The following CLTC variants were observed in gnomAD, a reference collection of about 807,000 sequenced individuals.
CLTC encodes the protein clathrin heavy chain, also known as clathrin heavy chain 1.
A neutral mutation model predicts 195.8 loss-of-function variants in CLTC; 16 were observed. The observed-to-expected ratio is 0.08, with a 90% CI of 0.06 to 0.12. The LOEUF (loss-of-function observed/expected upper bound fraction) is 0.12. Ranked by LOEUF, CLTC falls within the 10% of genes least tolerant of loss-of-function variation. CLTC has a pLI of 1.00. For missense variants in CLTC, 796 were observed against 2,027.0 expected (o/e 0.39, Z 11.66); for synonymous variants, 667 against 689.4 (o/e 0.97, Z 0.51).
At chr17:59,622,867 C>T (rs1417020031) in intron 1 of CLTC, among the ~76,000 whole-genome samples, 2 of 152,106 alleles carry the variant, frequency 1.3e-5, no homozygotes, top group Non-Finnish European at 2.9e-5. Context: ...CTACATTGTC[C>T]AACTGAAGGA....
At chr17:59,674,670 A>G (rs539027971) in intron 15 of CLTC, 31 bp from the exon 16 acceptor site, 9 of 1,585,756 alleles carry the variant, frequency 5.7e-6, no homozygotes, top group Middle Eastern at 1.7e-4. Context: ...TAATAACATA[A>G]TAACATTCTT....
intron 5 of CLTC, among the ~76,000 whole-genome samples, chr17:59,651,698 A>G (rs1427826120): frequency 6.6e-6 from 1 of 152,234 alleles, no homozygotes; most frequent in African/African-American, 2.4e-5. Context: ...AAAAATGTTA[A>G]TGATTATTTG....
chr17:59,657,259 G>C (rs2032493476), intron 6 of CLTC, among the ~76,000 whole-genome samples: 1 of 152,054 alleles, frequency 6.6e-6, no homozygotes. Context: ...AGGTGCTTTT[G>C]CTCTGTACTC....
Position 59,696,745 on chromosome 17 carries a change from C to CATAA in CLTC, c.*2896_*2899dup, listed in dbSNP as rs1236644213. The CATAA allele has an allele frequency of 4.8e-6, 1 of 206,548 alleles. No homozygotes were observed. The highest frequency in any genetic ancestry group is 9.9e-6 in the Non-Finnish European group (1 of 101,150). 12.8% of individuals were successfully genotyped at this position (206,548 alleles called of 1,614,324 possible). ...CAAACTACGTTCACTTTACAGTTAC[C>CATAA]ATAAATTCTTACTTGGGCCCACCCA... On this transcript the variant is annotated 3_prime_UTR_variant, in exon 32 of 32. Transcript: ENST00000269122.
At chr17:59,624,454 C>CTTT (rs5821272) in intron 1 of CLTC, among the ~76,000 whole-genome samples, 5,733 of 97,378 alleles carry the variant, frequency 0.059, 443 homozygotes, top group South Asian at 0.22. Context: ...GAGCCACATA[C>CTTT]TTTTTTTTTT....
chr17:59,666,398 A>G lies in CLTC; in HGVS notation c.1783-82A>G, dbSNP rs2032733528. On this transcript the variant is annotated intron_variant, in intron 11 of 31. Coordinates refer to ENST00000269122, the MANE Select transcript of CLTC (RefSeq NM_004859.4). This position sits in a 1 kb window ranked among gnomAD's most constrained non-coding sequence, Gnocchi z 4.9. The stretch of plus-strand genomic sequence containing the variant: ...TTTTGTACTTTAACAGTTCACTATT[A>G]AACCTTAATCTGTAATACGGATATT... The G allele has an allele frequency of 1.3e-6, 2 of 1,534,416 alleles. No homozygotes were observed. Among genetic ancestry groups the G allele is most frequent in the Admixed American group, 3.8e-5 (2 of 52,804 alleles).
At chr17:59,634,069 T>G (rs143640442) in intron 1 of CLTC, among the ~76,000 whole-genome samples, 1 of 152,206 alleles carries the variant, frequency 6.6e-6, no homozygotes, top group African/African-American at 2.4e-5. Context: ...CCACCACGCC[T>G]GGACAGTTTT....
At chr17:59,620,310 G>A in intron 1 of CLTC, 137 bp downstream of exon 1, 3 of 809,652 alleles carry the variant, frequency 3.7e-6, no homozygotes, top group East Asian at 2.5e-5. Context: ...TGGAGGAGGG[G>A]GCACTATCTT....
Position 59,666,021 on chromosome 17 carries a change from TAAAG to T in CLTC, c.1645-76_1645-73del, listed in dbSNP as rs2032722553. The T allele has an allele frequency of 2.8e-6, 3 of 1,054,310 alleles. No individual in the cohort carries two copies. The highest frequency in any genetic ancestry group is 2.4e-5 in the East Asian group (1 of 41,452). The allele number at this position is 1,054,310 out of a possible 1,614,324, so 65.3% of individuals were successfully genotyped here. A position where few individuals can be genotyped will look rare whatever the true frequency, so the allele number is the denominator to read the frequency against. On this transcript the variant is annotated intron_variant, in intron 10 of 31. Transcript: ENST00000269122. This position sits in a 1 kb window ranked among gnomAD's most constrained non-coding sequence, Gnocchi z 4.9. ...ATATTGTCCAAATAAAATTCTCAGG[TAAAG>T]AAAGAGTTCATGCATAATTTTGTCT...
chr17:59,636,796 C>G (rs1159787810), intron 1 of CLTC, among the ~76,000 whole-genome samples: 2 of 150,278 alleles, frequency 1.3e-5, no homozygotes, highest in East Asian at 2.0e-4. Flanking sequence ...GAGTTTCACT[C>G]TTGTTGCCCA....
chr17:59,673,217 G>A (rs1278453576), intron 14 of CLTC, among the ~76,000 whole-genome samples: 1 of 151,982 alleles, frequency 6.6e-6, no homozygotes, highest in Non-Finnish European at 1.5e-5. Context: ...TTGGATGTGG[G>A]GAGGGATAGA....
At chr17:59,643,481 T>A (rs1278070803) in intron 1 of CLTC, among the ~76,000 whole-genome samples, 3 of 152,194 alleles carry the variant, frequency 2.0e-5, no homozygotes, top group Non-Finnish European at 4.4e-5. Context: ...TTATTTTCCT[T>A]GTTAAAATCC....
At chr17:59,623,370 A>C (rs1406883124) in intron 1 of CLTC, among the ~76,000 whole-genome samples, 1 of 152,212 alleles carries the variant, frequency 6.6e-6, no homozygotes, top group Non-Finnish European at 1.5e-5. Flanking sequence ...AATAGCTTCT[A>C]AGTTTAAAAT....
Position 59,641,556 on chromosome 17 carries a change from G to A in CLTC, c.43-2720G>A, listed in dbSNP as rs925355083. ...GCAGAGGTTGTAGTGAGCTGAGATC[G>A]AGCCACTGTACTCCAGCCTGGCTGG... On this transcript the variant is annotated intron_variant, in intron 1 of 31. Coordinates refer to ENST00000269122, the MANE Select transcript of CLTC (RefSeq NM_004859.4). Among the ~76,000 whole-genome samples the A allele has an allele frequency of 1.5e-4, 19 of 128,876 alleles. No individual in the cohort carries two copies. In the Admixed American group the frequency reaches 1.7e-3, roughly 12 times the overall value. 84.5% of individuals were successfully genotyped at this position (128,876 alleles called of 152,430 possible).
At chr17:59,628,893 C>G (rs1051660574) in intron 1 of CLTC, among the ~76,000 whole-genome samples, 1 of 152,124 alleles carries the variant, frequency 6.6e-6, no homozygotes, top group Non-Finnish European at 1.5e-5. Flanking sequence ...AACTCCTGAC[C>G]TCAAATAATC....
intron 30 of CLTC, chr17:59,690,412 G>A: frequency 4.8e-6 from 2 of 416,760 alleles, no homozygotes; most frequent in African/African-American, 2.1e-5. Flanking sequence ...AGCTTTTATG[G>A]CATTTTGAAT....
rs1555599591 is a variant in CLTC, at chr17:59,619,954, G to C, written c.-178G>C. 1 of 600,660 alleles carries C rather than the reference G, an allele frequency of 1.7e-6. No individual in the cohort carries two copies. The highest frequency in any genetic ancestry group is 3.0e-6 in the Non-Finnish European group (1 of 337,554). 37.2% of individuals were successfully genotyped at this position (600,660 alleles called of 1,614,324 possible). A position where few individuals can be genotyped will look rare whatever the true frequency, so the allele number is the denominator to read the frequency against. On this transcript the variant is annotated 5_prime_UTR_variant, in exon 1 of 32. Coordinates refer to ENST00000269122, the MANE Select transcript of CLTC (RefSeq NM_004859.4). ...GCCATTGCGGCTCTCCTGGCCCCTG[G>C]AGCCTCCGCCCCCGACCCGAGCTCT...
At chr17:59,664,642 A>G (rs912379605) in intron 9 of CLTC, 145 bp from the exon 10 acceptor site, 1 of 666,332 alleles carries the variant, frequency 1.5e-6, no homozygotes, top group South Asian at 3.2e-5. Context: ...GTCATCACCA[A>G]GGTCTAACTG....
chr17:59,689,991 T>A (rs1440202643), intron 30 of CLTC: 1 of 152,262 alleles, frequency 6.6e-6, no homozygotes, highest in Non-Finnish European at 1.5e-5. Flanking sequence ...ATAGTAGCCA[T>A]TTACTTTTGG....
Sources: allele counts gnomAD v4.1 joint callset (sites outside exome capture counted in the v4.1 genomes callset), GRCh38; gene constraint gnomAD v4.1.1; non-coding constraint Gnocchi (gnomAD v3.1); transcripts MANE v1.5; gene names NCBI Gene and HGNC (gene_info 2026-07-23, HGNC 2026-07-21).